Variants in CCDC195 observed in about 807,000 individuals in gnomAD.
CCDC195 encodes the protein coiled-coil domain containing 195.
At chr2:224,708,330 C>T (rs955171916) in intron 2 of CCDC195, among the ~76,000 whole-genome samples, 2 of 152,106 alleles carry the variant, frequency 1.3e-5, no homozygotes, top group South Asian at 2.1e-4. Context: ...AATAATTTCA[C>T]GATAAAGCAT....
At chr2:224,712,531 G>A (rs1380917616) in intron 1 of CCDC195, among the ~76,000 whole-genome samples, 3 of 152,164 alleles carry the variant, frequency 2.0e-5, no homozygotes, top group Non-Finnish European at 2.9e-5. Context: ...GGGCTGTAGC[G>A]TAGCTCTGCG....
chr2:224,711,022 T>C (rs907698953), intron 1 of CCDC195, among the ~76,000 whole-genome samples: 6 of 152,198 alleles, frequency 3.9e-5, no homozygotes, highest in African/African-American at 1.2e-4. Context: ...ACATGCCAAT[T>C]CTTGATGGCC....
At chr2:224,705,183 T>C (rs1245779462) in intron 2 of CCDC195, among the ~76,000 whole-genome samples, 2 of 152,212 alleles carry the variant, frequency 1.3e-5, no homozygotes, top group Non-Finnish European at 2.9e-5. Context: ...CATCTGATTC[T>C]GGAAGCTGCC....
At chr2:224,706,746 G>C (rs1195018839) in intron 2 of CCDC195, among the ~76,000 whole-genome samples, 2 of 151,450 alleles carry the variant, frequency 1.3e-5, no homozygotes, top group Non-Finnish European at 2.9e-5. Flanking sequence ...CTGACCTCAG[G>C]TTATCTGCCC....
intron 1 of CCDC195, among the ~76,000 whole-genome samples, chr2:224,711,117 A>T (rs561619365): frequency 6.6e-6 from 1 of 152,320 alleles, no homozygotes; most frequent in East Asian, 1.9e-4. Context: ...GGTTGTTGCT[A>T]ACTGGCCTAT....
chr2:224,708,957 G>C (rs1039598633), intron 2 of CCDC195, among the ~76,000 whole-genome samples: 6 of 152,122 alleles, frequency 3.9e-5, no homozygotes, highest in Non-Finnish European at 5.9e-5. Flanking sequence ...CTCCTGCACA[G>C]TTGTGCAGAT....
intron 1 of CCDC195, among the ~76,000 whole-genome samples, chr2:224,712,387 A>G (rs1404923963): frequency 6.6e-6 from 1 of 152,246 alleles, no homozygotes; most frequent in Non-Finnish European, 1.5e-5. Flanking sequence ...CTCTGAAAGC[A>G]CTGGCTAGAT....
At chr2:224,706,189 CTTTTTTTTTTTTT>C (rs201012911) in intron 2 of CCDC195, among the ~76,000 whole-genome samples, 28 of 33,360 alleles carry the variant, frequency 8.4e-4, no homozygotes, top group South Asian at 4.0e-3. Flanking sequence ...TATTTTGTAA[CTTTTTTTTTTTTT>C]TTTTTTTTTT....
chr2:224,709,028 C>T (rs890469066), intron 2 of CCDC195, among the ~76,000 whole-genome samples: 12 of 151,812 alleles, frequency 7.9e-5, no homozygotes, highest in Non-Finnish European at 1.6e-4. Context: ...GGCCAAGTTT[C>T]CTCTAACAGA....
chr2:224,705,412 T>C (rs1697229345), intron 2 of CCDC195, among the ~76,000 whole-genome samples: 1 of 152,210 alleles, frequency 6.6e-6, no homozygotes, highest in African/African-American at 2.4e-5. Context: ...AAAATCCTGT[T>C]TTTAGTTTCT....
chr2:224,716,212 C>G (rs919491408), exon 1 of CCDC195: 3 of 398,608 alleles, frequency 7.5e-6, no homozygotes, highest in African/African-American at 6.2e-5. Context: ...GGCGCTTCCT[C>G]CTCCCTTTCG....
chr2:224,713,562 T>C (rs1689347004), intron 1 of CCDC195, among the ~76,000 whole-genome samples: 1 of 152,210 alleles, frequency 6.6e-6, no homozygotes, highest in Non-Finnish European at 1.5e-5. Context: ...AAAGTTTATG[T>C]GACCTGCCCA....
chr2:224,709,450 TC>T (rs1689280757), intron 2 of CCDC195, among the ~76,000 whole-genome samples: 1 of 152,186 alleles, frequency 6.6e-6, no homozygotes, highest in Non-Finnish European at 1.5e-5. Flanking sequence ...ATTGGTTTTC[TC>T]TTTGTCTCTT....
intron 2 of CCDC195, among the ~76,000 whole-genome samples, chr2:224,704,610 C>CTTTTTTTTTTTTTTTTCTTT (rs1398110494): frequency 9.0e-6 from 1 of 110,644 alleles, no homozygotes; most frequent in Non-Finnish European, 1.7e-5. Flanking sequence ...CTTTTCTTTT[C>CTTTTTTTTTTTTTTTTCTTT]TTTTTTTTTT....
intron 1 of CCDC195, among the ~76,000 whole-genome samples, chr2:224,712,239 C>CAA (rs1357993088): frequency 2.0e-5 from 3 of 152,140 alleles, no homozygotes; most frequent in Non-Finnish European, 4.4e-5. Context: ...AAGATCACAG[C>CAA]CAAATGCAGT....
chr2:224,703,966 A>G (rs1574754611), intron 2 of CCDC195, 79 bp from the exon 3 acceptor site: 1 of 396,988 alleles, frequency 2.5e-6, no homozygotes, highest in Non-Finnish European at 4.4e-6. Context: ...TTTCCCCCCA[A>G]TCACCAGATA....
At chr2:224,706,810 C>G (rs748385631) in intron 2 of CCDC195, among the ~76,000 whole-genome samples, 1 of 151,822 alleles carries the variant, frequency 6.6e-6, no homozygotes, top group Non-Finnish European at 1.5e-5. Context: ...GCGACCGACA[C>G]CTGGCTGTAA....
intron 2 of CCDC195, among the ~76,000 whole-genome samples, chr2:224,706,515 T>TG (rs1201249043): frequency 1.4e-5 from 2 of 144,264 alleles, no homozygotes; most frequent in African/African-American, 5.1e-5. Flanking sequence ...GTAACTTTTT[T>TG]TTTTTTTTTT....
chr2:224,705,893 A>C (rs1232704017), intron 2 of CCDC195, among the ~76,000 whole-genome samples: 1 of 151,742 alleles, frequency 6.6e-6, no homozygotes, highest in East Asian at 1.9e-4. Context: ...TGGAAGTTGG[A>C]AAACATTTTA....
Sources: allele counts gnomAD v4.1 joint callset (sites outside exome capture counted in the v4.1 genomes callset), GRCh38; gene constraint gnomAD v4.1.1; transcripts MANE v1.5; gene names NCBI Gene and HGNC (gene_info 2026-07-23, HGNC 2026-07-21).